KRIT1: variants seen among roughly 807,000 people sequenced by gnomAD.
KRIT1 encodes KRIT1 ankyrin repeat containing, also known as krev interaction trapped protein 1.
KRIT1 carries 45 observed loss-of-function variants against 95.8 expected under a neutral mutation model. That is an observed-to-expected ratio of 0.47 (90% confidence interval 0.37 to 0.60). The LOEUF (loss-of-function observed/expected upper bound fraction) is 0.60. Ranked by LOEUF, KRIT1 falls within the 20% of genes least tolerant of loss-of-function variation. The pLI is 0.00. For missense variants in KRIT1, 788 were observed against 877.5 expected, an observed-to-expected ratio of 0.90 and a Z score of 1.29; for synonymous variants, 282 against 278.8, an observed-to-expected ratio of 1.01 and a Z score of -0.11.
intron 3 of KRIT1, among the ~76,000 whole-genome samples, chr7:92,242,956 T>G (rs1800017635): frequency 6.6e-6 from 1 of 152,108 alleles, no homozygotes; most frequent in African/African-American, 2.4e-5. Context: ...TAGCCAGAAT[T>G]AACAGGCGTG....
chr7:92,236,571 A>G (rs1798478132), intron 6 of KRIT1, 29 bp from the exon 7 acceptor site: 2 of 1,428,980 alleles, frequency 1.4e-6, no homozygotes, highest in Admixed American at 3.4e-5. Context: ...GAATTATGCT[A>G]CCATATAAAA....
At position 92,213,984 on chromosome 7, in the gene KRIT1, A is replaced by G. The variant is rs1934695373; in HGVS notation, c.1731-5T>C. ...ATGGATTTTAGATTTTCTTCACTGTAAGCACACATGCCAACATCCTTTAAA... is the reference window on the plus strand; with the variant it reads ...ATGGATTTTAGATTTTCTTCACTGTGAGCACACATGCCAACATCCTTTAAA... On this transcript the variant is annotated splice_region_variant and splice_polypyrimidine_tract_variant and intron_variant, in intron 15 of 18. Coordinates refer to ENST00000394505, the MANE Select transcript of KRIT1 (RefSeq NM_194454.3). 2 of 1,558,574 alleles carry G rather than the reference A, an allele frequency of 1.3e-6. No individual in the cohort carries two copies. The highest frequency in any genetic ancestry group is 3.3e-5 in the Admixed American group (2 of 59,928).
At chr7:92,202,051 T>G (rs1278565578) in intron 17 of KRIT1, among the ~76,000 whole-genome samples, 1 of 152,204 alleles carries the variant, frequency 6.6e-6, no homozygotes, top group South Asian at 2.1e-4. Flanking sequence ...AAAAGCTATC[T>G]CTTTATTCAG....
At position 92,214,671 on chromosome 7, in the gene KRIT1, A is replaced by G; in HGVS notation, c.1670T>C (p.Leu557Pro). 1 of 1,612,714 alleles carries G rather than the reference A, an allele frequency of 6.2e-7. No individual in the cohort carries two copies. Among genetic ancestry groups the G allele is most frequent in the Non-Finnish European group, 8.5e-7 (1 of 1,178,794 alleles). ...PDAKLITLAS[L>P]LLQIVYGNYE... ...ATTTCCATAGACTATTTGCAAAAGCAGACTTGCCAATGTTATCAGCTTAGC... is the reference window on the plus strand; with the variant it reads ...ATTTCCATAGACTATTTGCAAAAGCGGACTTGCCAATGTTATCAGCTTAGC... The change falls in exon 15 of 19, where the codon CTG becomes CCG. Residue 557 changes from leucine to proline, a missense_variant. Transcript: ENST00000394505.
intron 5 of KRIT1, among the ~76,000 whole-genome samples, chr7:92,238,210 T>C (rs960879719): frequency 2.0e-5 from 3 of 152,346 alleles, no homozygotes; most frequent in South Asian, 2.1e-4. Context: ...TAAAATCTGA[T>C]TGGGCTACAA....
At chr7:92,209,404 A>G (rs973807620) in intron 17 of KRIT1, among the ~76,000 whole-genome samples, 1 of 152,186 alleles carries the variant, frequency 6.6e-6, no homozygotes, top group African/African-American at 2.4e-5. Flanking sequence ...AAATTGGTAA[A>G]CAGGAAGTCA....
In KRIT1 at chr7:92,226,701, A is replaced by G. The variant is rs371121074; in HGVS notation, c.990-19T>C. The G allele has an allele frequency of 1.4e-5, 23 of 1,610,292 alleles. No homozygotes were observed. The highest frequency in any genetic ancestry group is 3.3e-5 in the Admixed American group (2 of 59,718). On this transcript the variant is annotated intron_variant, in intron 10 of 18. Coordinates refer to ENST00000394505, the MANE Select transcript of KRIT1 (RefSeq NM_194454.3). ...TCCATACCTGTATAAAAAAACAAAC[A>G]AACAAAAAACAACAACAAAAAAAAC... is the stretch of plus-strand genomic sequence containing the variant.
At chr7:92,230,597 A>G (rs1292577760) in intron 10 of KRIT1, among the ~76,000 whole-genome samples, 1 of 152,200 alleles carries the variant, frequency 6.6e-6, no homozygotes, top group East Asian at 1.9e-4. Flanking sequence ...AAGAAACAGG[A>G]TGGTAGCTAA....
At chr7:92,223,273 C>CA (rs568078150) in intron 12 of KRIT1, among the ~76,000 whole-genome samples, 5,303 of 42,094 alleles carry the variant, frequency 0.13, 254 homozygotes, top group African/African-American at 0.25. Context: ...ACTAAAAATA[C>CA]AAAAAAAAAA....
At chr7:92,233,161 TACACACACACACACAC>T (rs139965359) in intron 10 of KRIT1, among the ~76,000 whole-genome samples, 65 of 149,366 alleles carry the variant, frequency 4.4e-4, no homozygotes, top group African/African-American at 1.3e-3. Context: ...GATCTTTTTA[TACACACACACACACAC>T]ACACACACAC....
chr7:92,212,954 A>G (rs1228654990), intron 17 of KRIT1, among the ~76,000 whole-genome samples: 1 of 152,210 alleles, frequency 6.6e-6, no homozygotes, highest in East Asian at 1.9e-4. Context: ...TATCTTGCAG[A>G]TCATTCTACA....
chr7:92,215,579 C>T lies in KRIT1; in HGVS notation c.1564-802G>A, dbSNP rs143133378. ...CGACCTCGTGGGCTCAAGCTATCTA[C>T]CTGCCTCAGTCTCCCAAGTAGCTGG... On this transcript the variant is annotated intron_variant, in intron 14 of 18. Transcript: ENST00000394505. 2.9e-3 allele frequency among the ~76,000 whole-genome samples: 444 copies of T among 151,806 alleles called. 4 individuals are homozygous for T. Among genetic ancestry groups the T allele is most frequent in the African/African-American group, 0.01 (422 of 41,532 alleles).
At chr7:92,244,776 C>T (rs562608421) in intron 2 of KRIT1, 126 bp downstream of exon 2, 1 of 152,114 alleles carries the variant, frequency 6.6e-6, no homozygotes, top group Non-Finnish European at 1.5e-5. Flanking sequence ...GGAAACGTGG[C>T]ATTTTGTTAT....
At chr7:92,227,947 G>A (rs900331510) in intron 10 of KRIT1, among the ~76,000 whole-genome samples, 1 of 152,060 alleles carries the variant, frequency 6.6e-6, no homozygotes, top group Non-Finnish European at 1.5e-5. Context: ...AGGAGGCGGA[G>A]GTTGCAGTGA....
At chr7:92,237,876 T>C (rs1430422833) in intron 5 of KRIT1, 117 bp from the exon 6 acceptor site, 6 of 645,458 alleles carry the variant, frequency 9.3e-6, no homozygotes, top group African/African-American at 3.7e-5. Flanking sequence ...AACTGAAATA[T>C]ACTAAGTCAA....
chr7:92,214,895 G>A, intron 14 of KRIT1, 118 bp from the exon 15 acceptor site: 1 of 737,330 alleles, frequency 1.4e-6, no homozygotes, highest in South Asian at 1.7e-5. Context: ...TTACTGTTTT[G>A]AGCAGAGGTT....
At chr7:92,235,712 A>G in intron 7 of KRIT1, 66 bp from the exon 8 acceptor site, 1 of 1,485,990 alleles carries the variant, frequency 6.7e-7, no homozygotes, top group Non-Finnish European at 9.3e-7. Flanking sequence ...ATAGATTACT[A>G]TCTAACTCTG....
intron 10 of KRIT1, among the ~76,000 whole-genome samples, chr7:92,233,816 T>C (rs946472056): frequency 4.6e-5 from 7 of 152,190 alleles, no homozygotes; most frequent in African/African-American, 1.7e-4. Flanking sequence ...AGATGACTTA[T>C]AGTAAACAGT....
chr7:92,245,275 C>T (rs1473406027), intron 1 of KRIT1, 104 bp from the exon 2 acceptor site: 1 of 152,116 alleles, frequency 6.6e-6, no homozygotes, highest in African/African-American at 2.4e-5. Flanking sequence ...GACAAAAATA[C>T]GTAATCACTC....
Sources: gnomAD v4.1 joint callset for allele counts (sites outside exome capture counted in the v4.1 genomes callset) on GRCh38, gnomAD v4.1.1 for gene constraint, MANE v1.5 for transcripts, NCBI Gene and HGNC (gene_info 2026-07-23, HGNC 2026-07-21) for gene names.